Variants in ABLIM1 observed in about 807,000 individuals in gnomAD.
ABLIM1 encodes actin-binding LIM protein 1.
In ABLIM1, 40 loss-of-function variants were observed where a neutral mutation model predicts 107.0. That is an observed-to-expected ratio of 0.37 (90% confidence interval 0.29 to 0.49). The LOEUF is 0.49. Ranked by LOEUF, ABLIM1 falls within the 20% of genes least tolerant of loss-of-function variation. The probability of loss-of-function intolerance (pLI) is 0.97; values close to 1 mark genes in which losing one functional copy is unlikely to be tolerated. For missense variants in ABLIM1, 857 were observed against 1,008.5 expected (o/e 0.85, Z 2.04); for synonymous variants, 357 against 357.3 (o/e 1.00, Z 0.01).
chr10:114,673,423 C>T (rs1050341425), intron 1 of ABLIM1, among the ~76,000 whole-genome samples: 5 of 152,166 alleles, frequency 3.3e-5, no homozygotes, highest in Non-Finnish European at 7.4e-5. Flanking sequence ...TATGCAATCA[C>T]AGGCAGGCCC....
chr10:114,645,564 A>G (rs1288340968), intron 1 of ABLIM1, among the ~76,000 whole-genome samples: 1 of 152,200 alleles, frequency 6.6e-6, no homozygotes, highest in Non-Finnish European at 1.5e-5. Flanking sequence ...ACTTTCATCT[A>G]AAGATAACAG....
chr10:114,608,313 G>A (rs779300329), intron 1 of ABLIM1, among the ~76,000 whole-genome samples: 2 of 152,114 alleles, frequency 1.3e-5, no homozygotes, highest in Admixed American at 6.5e-5. Flanking sequence ...GCAGTGAGGC[G>A]CGATTGCACC....
rs774546169 is a variant in ABLIM1 at position 114,473,059 on chromosome 10, A to G, written c.1193T>C (p.Ile398Thr). The stretch of plus-strand genomic sequence containing the variant: ...ATAGGTAATAAGATCTGGACGTTCA[A>G]TGTCATAAATTGCCTTGACCTTCGG... ...AIPKVKAIYDIERPDLITYEP... is the reference protein window; with the variant it reads ...AIPKVKAIYDTERPDLITYEP... Residue 398 changes from isoleucine (I) to threonine (T), a missense_variant, in exon 10 of 23, where the codon ATT becomes ACT. By Grantham distance (89) the Ile-to-Thr change is moderately conservative. Around this residue, in one of 5 missense-constraint regions of ABLIM1, gnomAD observed 381 missense variants for 506.9 expected, o/e 0.75. Coordinates refer to ENST00000533213, the MANE Select transcript of ABLIM1 (RefSeq NM_002313.7). 1 of 1,613,694 alleles carries G rather than the reference A, an allele frequency of 6.2e-7. No individual in the cohort carries two copies. Among genetic ancestry groups the G allele is most frequent in the South Asian group, 1.1e-5 (1 of 90,954 alleles).
chr10:114,540,006 A>G (rs2066469852), intron 6 of ABLIM1, among the ~76,000 whole-genome samples: 1 of 152,222 alleles, frequency 6.6e-6, no homozygotes, highest in Non-Finnish European at 1.5e-5. Context: ...GGTTGTAAAT[A>G]TCTTCAGAAC....
chr10:114,756,078 T>TTG (rs1202328840), intron 1 of ABLIM1, among the ~76,000 whole-genome samples: 2 of 88,842 alleles, frequency 2.3e-5, no homozygotes, highest in Admixed American at 2.7e-4. Context: ...GTGAGTGTGT[T>TTG]TGTGAGTGTG....
At chr10:114,699,446 T>C (rs1566251516) in intron 1 of ABLIM1, among the ~76,000 whole-genome samples, 2 of 151,908 alleles carry the variant, frequency 1.3e-5, no homozygotes, top group Admixed American at 6.5e-5. Flanking sequence ...GCATAAAAGT[T>C]AGATTTAAAA....
intron 1 of ABLIM1, among the ~76,000 whole-genome samples, chr10:114,654,003 G>A (rs1057415421): frequency 1.3e-5 from 2 of 152,250 alleles, no homozygotes; most frequent in Non-Finnish European, 2.9e-5. Flanking sequence ...GACAATAACA[G>A]GAAGCTGCAG....
Position 114,634,137 on chromosome 10 carries a change from T to C in ABLIM1, c.244+23820A>G, listed in dbSNP as rs2078348203. Among the ~76,000 whole-genome samples, 3 of 94,384 alleles carry C rather than the reference T, an allele frequency of 3.2e-5. 1 individual carries two copies. In the South Asian group the frequency reaches 1.3e-3, roughly 41 times the overall value. The allele number at this position is 94,384 out of a possible 152,430, so 61.9% of individuals were successfully genotyped here. On this transcript the variant is annotated intron_variant, in intron 1 of 22. Coordinates refer to ENST00000533213, the MANE Select transcript of ABLIM1 (RefSeq NM_002313.7). ...CCATTAGCTCAATTTTTCTTTTTTT[T>C]TTTTTTTTTTTTTGAGACGGAGTCT...
chr10:114,614,911 G>A (rs2077030732), intron 1 of ABLIM1, among the ~76,000 whole-genome samples: 1 of 151,980 alleles, frequency 6.6e-6, no homozygotes, highest in African/African-American at 2.4e-5. Context: ...TTAGCCAGGT[G>A]TGGTGGTGCG....
At chr10:114,560,086 C>T (rs2069460087) in intron 4 of ABLIM1, among the ~76,000 whole-genome samples, 1 of 152,236 alleles carries the variant, frequency 6.6e-6, no homozygotes, top group African/African-American at 2.4e-5. Context: ...CTTAAGAAAA[C>T]TGGCCACCAA....
In ABLIM1 at chr10:114,482,591, C is replaced by T. The variant is rs568167405; in HGVS notation, c.1041+5367G>A. On this transcript the variant is annotated intron_variant, in intron 8 of 22. Coordinates refer to ENST00000533213, the MANE Select transcript of ABLIM1 (RefSeq NM_002313.7). The stretch of plus-strand genomic sequence containing the variant: ...TGGTGAGCCATTCTTCAATCGCCAA[C>T]GGGTGAAGGGAGACCTTGCCACACA... 1.8e-4 allele frequency among the ~76,000 whole-genome samples: 28 copies of T among 152,290 alleles called. 1 individual carries two copies. In the South Asian group the frequency reaches 3.3e-3, roughly 18 times the overall value.
intron 1 of ABLIM1, among the ~76,000 whole-genome samples, chr10:114,767,606 G>T (rs1302991770): frequency 7.2e-6 from 1 of 138,100 alleles, no homozygotes; most frequent in Middle Eastern, 3.6e-3. Flanking sequence ...GTACAGGTGG[G>T]GAATTTACTT....
intron 1 of ABLIM1, among the ~76,000 whole-genome samples, chr10:114,714,861 ATTG>A (rs1403385582): frequency 1.3e-5 from 2 of 152,146 alleles, no homozygotes; most frequent in African/African-American, 2.4e-5. Context: ...TAGACGAGGG[ATTG>A]TTATTTTTTT....
chr10:114,543,864 C>T (rs958631234), intron 6 of ABLIM1, among the ~76,000 whole-genome samples: 5 of 152,214 alleles, frequency 3.3e-5, no homozygotes, highest in African/African-American at 9.6e-5. Flanking sequence ...CCCTCTTCCT[C>T]GGGCTAAGAG....
intron 6 of ABLIM1, among the ~76,000 whole-genome samples, chr10:114,514,568 AG>A (rs1156343368): frequency 6.6e-6 from 1 of 152,154 alleles, no homozygotes; most frequent in Admixed American, 6.5e-5. Flanking sequence ...TTGTAGAGAC[AG>A]GGTCTCCCTA....
intron 4 of ABLIM1, among the ~76,000 whole-genome samples, chr10:114,556,324 A>G (rs1382473695): frequency 1.3e-5 from 2 of 152,218 alleles, no homozygotes; most frequent in Non-Finnish European, 2.9e-5. Context: ...AGCCTTCAGC[A>G]TGTTAGCTCA....
chr10:114,684,261 T>C, intron 1 of ABLIM1: 2 of 1,611,002 alleles, frequency 1.2e-6, no homozygotes, highest in Non-Finnish European at 1.7e-6. Context: ...ACAGAATATA[T>C]GCTGACTTTA....
chr10:114,472,536 A>G (rs1256387726), intron 10 of ABLIM1, among the ~76,000 whole-genome samples: 2 of 151,890 alleles, frequency 1.3e-5, no homozygotes, highest in Non-Finnish European at 1.5e-5. Context: ...GCTCTACTTT[A>G]TTTTTTCTTT....
At chr10:114,567,450 A>C (rs1435230522) in intron 4 of ABLIM1, among the ~76,000 whole-genome samples, 1 of 152,232 alleles carries the variant, frequency 6.6e-6, no homozygotes, top group Admixed American at 6.5e-5. Flanking sequence ...GTTACACAGT[A>C]CCTGATATAT....
Sources: gnomAD v4.1 joint callset for allele counts (sites outside exome capture counted in the v4.1 genomes callset) on GRCh38, gnomAD v4.1.1 for gene constraint, gnomAD v4.1.1 regional missense constraint, MANE v1.5 for transcripts, NCBI Gene and HGNC (gene_info 2026-07-23, HGNC 2026-07-21) for gene names.